CNGB1: variants seen among roughly 807,000 people sequenced by gnomAD.
CNGB1 encodes cyclic nucleotide gated channel subunit beta 1, also known as cyclic nucleotide-gated channel beta-1.
Under a neutral mutation model 151.7 loss-of-function variants are expected in CNGB1, and 126 were observed. That is an observed-to-expected ratio of 0.83 (90% confidence interval 0.72 to 0.96). The LOEUF is 0.96. Ranked by LOEUF, CNGB1 falls within the 40% of genes least tolerant of loss-of-function variation. The pLI is 0.00. For synonymous variants in CNGB1, 623 were observed against 635.1 expected (o/e 0.98, Z 0.29); for missense variants, 1,698 against 1,627.0 (o/e 1.04, Z -0.75).
intron 31 of CNGB1, among the ~76,000 whole-genome samples, chr16:57,888,950 CA>C (rs1471826037): frequency 6.6e-6 from 1 of 152,174 alleles, no homozygotes; most frequent in Admixed American, 6.5e-5. Context: ...CCCTCTGCTC[CA>C]TCCTTTGCAG....
rs377216982 is a variant in CNGB1, at chr16:57,901,443, G to A, written c.2893-8C>T. Reference sequence around the variant, plus strand: ...CATCTGCCGGTCACAGCCCTGTCCCGGTGAGGAAGGGAAAGGAACTTTTTA... The same window carrying A: ...CATCTGCCGGTCACAGCCCTGTCCCAGTGAGGAAGGGAAAGGAACTTTTTA... On this transcript the variant is annotated splice_region_variant and splice_polypyrimidine_tract_variant and intron_variant, in intron 28 of 32. Coordinates refer to ENST00000251102, the MANE Select transcript of CNGB1 (RefSeq NM_001297.5). The A allele has an allele frequency of 1.9e-5, 30 of 1,614,064 alleles. No individual in the cohort carries two copies. The highest frequency in any genetic ancestry group is 1.6e-4 in the African/African-American group (12 of 74,944).
intron 31 of CNGB1, among the ~76,000 whole-genome samples, chr16:57,895,910 AT>A (rs1960210433): frequency 6.6e-6 from 1 of 152,226 alleles, no homozygotes; most frequent in Non-Finnish European, 1.5e-5. Context: ...CATCAAAATA[AT>A]GATTGTTAAC....
At chr16:57,954,719 T>C in intron 12 of CNGB1, 3 of 986,532 alleles carry the variant, frequency 3.0e-6, no homozygotes, top group Non-Finnish European at 3.6e-6. Flanking sequence ...TGAAAACATT[T>C]GTTGCTGCTC....
chr16:57,957,475 C>T (rs1962119422), intron 11 of CNGB1, 98 bp from the exon 12 acceptor site: 2 of 1,009,662 alleles, frequency 2.0e-6, no homozygotes, highest in Non-Finnish European at 3.1e-6. Context: ...TGACCCACCT[C>T]TCCGGGCCTT....
rs776242115 is a variant in CNGB1 at position 57,931,757 on chromosome 16, T to C, written c.1494A>G (p.Ser498=). The C allele has an allele frequency of 6.2e-7, 1 of 1,614,160 alleles. No homozygotes were observed. Among genetic ancestry groups the C allele is most frequent in the Non-Finnish European group, 8.5e-7 (1 of 1,180,024 alleles). Residue 498 remains serine, a synonymous_variant, in exon 17 of 33, where the codon TCA becomes TCG. Transcript: ENST00000251102. Reference sequence around the variant, plus strand: ...CTGAGCTTGGGACTATAAGGGTGTCTGATTTGGCAGGAGACGGTGGCGGCA... The same window carrying C: ...CTGAGCTTGGGACTATAAGGGTGTCCGATTTGGCAGGAGACGGTGGCGGCA... The part of the protein sequence containing the change: ...TVLPPPSPAK[S]DTLIVPSSAS...
Position 57,883,497 on chromosome 16 carries a change from C to A in CNGB1, c.*667G>T, listed in dbSNP as rs1386937299. 1.3e-5 allele frequency: 2 copies of A among 157,604 alleles called. No individual in the cohort carries two copies. Among genetic ancestry groups the A allele is most frequent in the Non-Finnish European group, 2.8e-5 (2 of 72,152 alleles). The allele number at this position is 157,604 out of a possible 1,614,324, so 9.8% of individuals were successfully genotyped here. A position where few individuals can be genotyped will look rare whatever the true frequency, so the allele number is the denominator to read the frequency against. ...GTCCAGCTCACTGCAGCCAGAAACTCCTGGGCTCAAGCCATCCTCCTGCCT... is the reference window on the plus strand; with the variant it reads ...GTCCAGCTCACTGCAGCCAGAAACTACTGGGCTCAAGCCATCCTCCTGCCT... On this transcript the variant is annotated 3_prime_UTR_variant, in exon 33 of 33. Transcript: ENST00000251102.
chr16:57,928,106 A>G (rs1961242698), intron 17 of CNGB1, among the ~76,000 whole-genome samples: 1 of 152,240 alleles, frequency 6.6e-6, no homozygotes, highest in Non-Finnish European at 1.5e-5. Context: ...AGTTACAGAC[A>G]GCCTCCCTTA....
At chr16:57,906,451 C>T (rs1960554219) in intron 25 of CNGB1, among the ~76,000 whole-genome samples, 1 of 152,172 alleles carries the variant, frequency 6.6e-6, no homozygotes, top group Admixed American at 6.5e-5. Context: ...ACGTGCAATG[C>T]GTGCAGGAAG....
At chr16:57,900,759 C>A (rs1171312461) in intron 29 of CNGB1, among the ~76,000 whole-genome samples, 1 of 152,052 alleles carries the variant, frequency 6.6e-6, no homozygotes, top group Non-Finnish European at 1.5e-5. Flanking sequence ...GTGGACCCAG[C>A]GCTGGCAGAT....
chr16:57,935,515 A>C (rs1961483211), intron 16 of CNGB1, among the ~76,000 whole-genome samples: 1 of 152,088 alleles, frequency 6.6e-6, no homozygotes. Context: ...CCCTGTCTCT[A>C]CTAAAAATAC....
Position 57,903,906 on chromosome 16 carries a change from T to G in CNGB1, c.2710A>C (p.Met904Leu), listed in dbSNP as rs193155551. 1.2e-6 allele frequency: 2 copies of G among 1,614,170 alleles called. No individual in the cohort carries two copies. Among genetic ancestry groups the G allele is most frequent in the African/African-American group, 2.7e-5 (2 of 75,052 alleles). Residue 904 changes from methionine (M) to leucine (L), a missense_variant, in exon 27 of 33, where the codon ATG (methionine) becomes CTG (leucine). Met to Leu is a conservative substitution (Grantham distance 15, BLOSUM62 2). Transcript: ENST00000251102. ...GACTTGGGGATCTTGTAGAAATTCATGTACTTCACCGTGCTGTCCATGCAG... is the reference window on the plus strand; with the variant it reads ...GACTTGGGGATCTTGTAGAAATTCAGGTACTTCACCGTGCTGTCCATGCAG... ...RSCMDSTVKY[M>L]NFYKIPKSVQ...
intron 23 of CNGB1, among the ~76,000 whole-genome samples, chr16:57,913,213 T>C (rs1173154312): frequency 1.3e-5 from 2 of 152,186 alleles, no homozygotes; most frequent in East Asian, 1.9e-4. Flanking sequence ...CCCTTGGAAA[T>C]GACATGTAAT....
intron 31 of CNGB1, among the ~76,000 whole-genome samples, chr16:57,894,287 G>GT (rs1960167574): frequency 6.6e-6 from 1 of 152,196 alleles, no homozygotes; most frequent in African/African-American, 2.4e-5. Context: ...CATATTTTGT[G>GT]TAAGAAAGAA....
intron 32 of CNGB1, 43 bp from the exon 33 acceptor site, chr16:57,884,500 A>T (rs748488090): frequency 1.9e-6 from 3 of 1,610,590 alleles, no homozygotes; most frequent in South Asian, 2.2e-5. Flanking sequence ...AGACTCTCGG[A>T]GGGGTCTTGG....
At chr16:57,885,527 TTCC>T (rs1567359701) in intron 32 of CNGB1, among the ~76,000 whole-genome samples, 1 of 149,676 alleles carries the variant, frequency 6.7e-6, no homozygotes, top group African/African-American at 2.5e-5. Flanking sequence ...CCTTCCTTTT[TTCC>T]TTCCTTCCTT....
chr16:57,971,047 C>T lies in CNGB1; in HGVS notation c.-9+13G>A, dbSNP rs1293049086. 6.6e-6 allele frequency: 1 copy of T among 152,250 alleles called. No homozygotes were observed. Among genetic ancestry groups the T allele is most frequent in the African/African-American group, 2.4e-5 (1 of 41,472 alleles). The allele number at this position is 152,250 out of a possible 1,614,324, so 9.4% of individuals were successfully genotyped here. A position where few individuals can be genotyped will look rare whatever the true frequency, so the allele number is the denominator to read the frequency against. The stretch of plus-strand genomic sequence containing the variant: ...TCGGGGTCCCACCGAGCCTCCACCT[C>T]ACCCTGAGTTACCTGCTTAGATGCC... On this transcript the variant is annotated intron_variant, in intron 1 of 32. Transcript: ENST00000251102.
intron 25 of CNGB1, among the ~76,000 whole-genome samples, chr16:57,909,664 C>T (rs1462272609): frequency 6.6e-6 from 1 of 152,224 alleles, no homozygotes; most frequent in Non-Finnish European, 1.5e-5. Context: ...GCTGAGATTA[C>T]AGGCATGAGT....
chr16:57,960,401 G>C, intron 9 of CNGB1, 81 bp downstream of exon 9: 3 of 1,532,950 alleles, frequency 2.0e-6, no homozygotes, highest in African/African-American at 2.7e-5. Context: ...GCCTCTGGGG[G>C]ATCCTCCAGG....
chr16:57,942,561 G>A (rs9921328), intron 14 of CNGB1, among the ~76,000 whole-genome samples: 8,419 of 152,074 alleles, frequency 0.055, 396 homozygotes, highest in African/African-American at 0.13. Flanking sequence ...ATAAAACATC[G>A]ACGAAAGAAA....
Sources: gnomAD v4.1 joint callset for allele counts (sites outside exome capture counted in the v4.1 genomes callset) on GRCh38, gnomAD v4.1.1 for gene constraint, MANE v1.5 for transcripts, NCBI Gene and HGNC (gene_info 2026-07-23, HGNC 2026-07-21) for gene names.